Variants in ANXA8 observed in about 807,000 individuals in gnomAD.
The protein encoded by ANXA8 is annexin A8.
ANXA8 carries 9 observed loss-of-function variants against 26.8 expected under a neutral mutation model. The observed-to-expected ratio is 0.34, with a 90% CI of 0.20 to 0.59. The LOEUF is 0.59. Among genes scored for constraint, ANXA8 ranks in the 20% least tolerant of loss-of-function variants. The pLI is 0.84. For synonymous variants in ANXA8, 39 were observed against 94.8 expected, an observed-to-expected ratio of 0.41 and a Z score of 3.42; for missense variants, 83 against 238.5, an observed-to-expected ratio of 0.35 and a Z score of 4.29.
At chr10:47,673,979 T>G in the ANXA8 span, among the ~76,000 whole-genome samples, 45 of 151,246 alleles carry the variant, frequency 3.0e-4, 1 homozygote, top group African/African-American at 1.0e-3. Flanking sequence ...AGACTTGAGC[T>G]TCTCATCTCT....
chr10:47,960,214 G>GT, the ANXA8 span, among the ~76,000 whole-genome samples: 1 of 147,392 alleles, frequency 6.8e-6, no homozygotes. Context: ...ACTGTTTATT[G>GT]TGACTGATAT....
chr10:47,672,554 TA>T, the ANXA8 span, among the ~76,000 whole-genome samples: 1 of 151,734 alleles, frequency 6.6e-6, no homozygotes, highest in South Asian at 2.1e-4. Context: ...TAGCTGGGGC[TA>T]TACTGACAAA....
At chr10:47,681,398 G>A in the ANXA8 span, among the ~76,000 whole-genome samples, 3 of 147,980 alleles carry the variant, frequency 2.0e-5, no homozygotes, top group Non-Finnish European at 3.0e-5. Context: ...TGTTTGTTTT[G>A]TTTTTCATCT....
the ANXA8 span, among the ~76,000 whole-genome samples, chr10:47,687,718 C>G: frequency 1.3e-5 from 2 of 151,790 alleles, no homozygotes; most frequent in African/African-American, 4.8e-5. Flanking sequence ...ACCAGTTATT[C>G]CTTATGAAGG....
At chr10:47,956,881 C>A in the ANXA8 span, among the ~76,000 whole-genome samples, 2 of 150,164 alleles carry the variant, frequency 1.3e-5, no homozygotes, top group Non-Finnish European at 2.9e-5. Flanking sequence ...TGGGCACCAT[C>A]CACAAACGCC....
the ANXA8 span, among the ~76,000 whole-genome samples, chr10:47,762,233 G>C: frequency 1.3e-5 from 2 of 152,048 alleles, no homozygotes; most frequent in Non-Finnish European, 2.9e-5. Context: ...GGGAGGAAGA[G>C]GGGGCAAGGC....
chr10:47,627,699 T>C, the ANXA8 span, among the ~76,000 whole-genome samples: 1 of 150,102 alleles, frequency 6.7e-6, no homozygotes, highest in Non-Finnish European at 1.5e-5. Flanking sequence ...TGATGATAAT[T>C]GCAAAGATGC....
chr10:47,706,005 G>GT, the ANXA8 span, among the ~76,000 whole-genome samples: 1 of 147,388 alleles, frequency 6.8e-6, no homozygotes, highest in Non-Finnish European at 1.5e-5. Flanking sequence ...GCGTGTTGTG[G>GT]GGGGGGAGGG....
chr10:47,521,423 C>G, the ANXA8 span, among the ~76,000 whole-genome samples: 1 of 140,064 alleles, frequency 7.1e-6, no homozygotes. Flanking sequence ...GAAGATAGTA[C>G]TTCCAAGTTA....
the ANXA8 span, among the ~76,000 whole-genome samples, chr10:47,713,296 G>GAAAA: frequency 1.2e-5 from 1 of 85,502 alleles, no homozygotes. Flanking sequence ...CTAACAATGT[G>GAAAA]AGAAAAAATA....
At chr10:47,755,447 T>TG in the ANXA8 span, among the ~76,000 whole-genome samples, 1 of 151,480 alleles carries the variant, frequency 6.6e-6, no homozygotes, top group Non-Finnish European at 1.5e-5. Flanking sequence ...AGTAGAGACG[T>TG]GGTTTCACTG....
At chr10:47,748,143 T>C in the ANXA8 span, among the ~76,000 whole-genome samples, 2 of 151,708 alleles carry the variant, frequency 1.3e-5, no homozygotes, top group East Asian at 1.9e-4. Flanking sequence ...CCAAAACTGA[T>C]AAAGCTTTAT....
the ANXA8 span, among the ~76,000 whole-genome samples, chr10:47,640,548 G>A: frequency 1.1e-5 from 1 of 92,922 alleles, no homozygotes. Context: ...ACACAGCTGA[G>A]GAAGAGAGGT....
At chr10:47,763,980 G>A in the ANXA8 span, among the ~76,000 whole-genome samples, 1 of 152,028 alleles carries the variant, frequency 6.6e-6, no homozygotes, top group Non-Finnish European at 1.5e-5. Context: ...CACCTAAGGC[G>A]AGGAGGGTGG....
the ANXA8 span, among the ~76,000 whole-genome samples, chr10:47,699,344 C>CA: frequency 0.28 from 14,880 of 52,522 alleles, 1,232 homozygotes; most frequent in East Asian, 0.46. Flanking sequence ...ATTCTGTCTC[C>CA]AAAAAAAAAA....
chr10:47,930,105 C>T, the ANXA8 span, among the ~76,000 whole-genome samples: 2 of 152,240 alleles, frequency 1.3e-5, no homozygotes, highest in Non-Finnish European at 2.9e-5. Context: ...CCTCTCCCGC[C>T]TCAGGCCTTT....
chr10:47,516,613 A>T, the ANXA8 span, among the ~76,000 whole-genome samples: 1 of 138,614 alleles, frequency 7.2e-6, no homozygotes, highest in Non-Finnish European at 1.5e-5. Context: ...AAAAGACTTT[A>T]AGGAGTTAGC....
chr10:47,591,120 C>A, the ANXA8 span, among the ~76,000 whole-genome samples: 3 of 145,098 alleles, frequency 2.1e-5, no homozygotes, highest in Non-Finnish European at 4.4e-5. Flanking sequence ...GGATGATGGT[C>A]AAATCCTCTC....
chr10:47,745,413 G>GAA, the ANXA8 span, among the ~76,000 whole-genome samples: 1 of 150,046 alleles, frequency 6.7e-6, no homozygotes, highest in Non-Finnish European at 1.5e-5. Context: ...CCAAATGTGA[G>GAA]GCACTCAGAT....
Sources: gnomAD v4.1 joint callset for allele counts (sites outside exome capture counted in the v4.1 genomes callset) on GRCh38, gnomAD v4.1.1 for gene constraint, MANE v1.5 for transcripts, NCBI Gene and HGNC (gene_info 2026-07-23, HGNC 2026-07-21) for gene names.